The following FRY variants were observed in gnomAD, a reference collection of about 807,000 sequenced individuals.
FRY encodes the protein protein furry homolog.
In FRY, 128 loss-of-function variants were observed where a neutral mutation model predicts 348.4. The ratio of observed to expected loss-of-function variants is 0.37; its 90% CI spans 0.32 to 0.43. The LOEUF (loss-of-function observed/expected upper bound fraction) is 0.43, where lower values mean the gene tolerates loss of function less well. Ranked by LOEUF, FRY falls within the 20% of genes least tolerant of loss-of-function variation. The pLI is 1.00. For synonymous variants in FRY, 1,370 were observed against 1,374.7 expected (o/e 1.00, Z 0.08); for missense variants, 2,736 against 3,695.2 (o/e 0.74, Z 6.73).
chr13:32,081,524 C>A (rs948811618), intron 2 of FRY, among the ~76,000 whole-genome samples: 5 of 152,128 alleles, frequency 3.3e-5, no homozygotes, highest in African/African-American at 1.2e-4. Flanking sequence ...GGAGTTTCAC[C>A]ATGTTGGCCA....
intron 21 of FRY, 110 bp from the exon 22 acceptor site, chr13:32,178,734 A>G (rs1566113719): frequency 1.3e-6 from 1 of 797,510 alleles, no homozygotes; most frequent in Non-Finnish European, 2.2e-6. Context: ...AACATTCTTA[A>G]TCGACAGTTG....
At chr13:32,247,808 T>G (rs1314809403) in intron 48 of FRY, among the ~76,000 whole-genome samples, 1 of 152,240 alleles carries the variant, frequency 6.6e-6, no homozygotes, top group Non-Finnish European at 1.5e-5. Context: ...ATTCTTTATC[T>G]GACAATGGTC....
intron 31 of FRY, among the ~76,000 whole-genome samples, chr13:32,206,211 A>G (rs190029935): frequency 6.6e-6 from 1 of 152,268 alleles, no homozygotes; most frequent in East Asian, 1.9e-4. Context: ...ACAGAGTGGA[A>G]GAAAGGGCCT....
At chr13:32,068,911 C>CTTTTTTT (rs142807722) in intron 1 of FRY, among the ~76,000 whole-genome samples, 2 of 82,878 alleles carry the variant, frequency 2.4e-5, no homozygotes, top group African/African-American at 4.7e-5. Flanking sequence ...ATGTTCAATT[C>CTTTTTTT]TTTTTTTTTT....
intron 3 of FRY, among the ~76,000 whole-genome samples, chr13:32,111,586 C>T (rs1877966853): frequency 6.6e-6 from 1 of 152,092 alleles, no homozygotes; most frequent in South Asian, 2.1e-4. Flanking sequence ...GAGAATCTGT[C>T]AGGAAGAAGG....
chr13:32,091,567 T>C (rs370287475), intron 2 of FRY, among the ~76,000 whole-genome samples: 72 of 152,330 alleles, frequency 4.7e-4, no homozygotes, highest in African/African-American at 1.4e-3. Flanking sequence ...TGGGTGTAGA[T>C]AGTTCTGAAC....
rs1333081456 is a variant in FRY, at chr13:32,273,274, T to A, written c.8137-1568T>A. ...AGTCTCGCTGTCGCCCAGGCTGGAG[T>A]GCAGTGGCGCAATCTCGGCTCACTG... is the stretch of plus-strand genomic sequence containing the variant. On this transcript the variant is annotated intron_variant, in intron 55 of 60. Transcript: ENST00000542859. Among the ~76,000 whole-genome samples, 5 of 146,878 alleles carry A rather than the reference T, an allele frequency of 3.4e-5. No individual in the cohort carries two copies. The South Asian group carries it at 1.1e-3, about 31-fold the overall frequency.
intron 51 of FRY, chr13:32,257,897 A>C: frequency 1.5e-6 from 2 of 1,336,204 alleles, no homozygotes; most frequent in Non-Finnish European, 2.2e-6. Flanking sequence ...GTTCTTGAGT[A>C]TCTTTAATAT....
At chr13:32,184,498 T>C in intron 24 of FRY, 102 bp from the exon 25 acceptor site, 1 of 743,694 alleles carries the variant, frequency 1.3e-6, no homozygotes, top group Non-Finnish European at 2.4e-6. Flanking sequence ...GCTTAGAAAA[T>C]TGAAAATGAC....
At chr13:32,116,060 A>C (rs1037464559) in intron 3 of FRY, among the ~76,000 whole-genome samples, 2 of 152,150 alleles carry the variant, frequency 1.3e-5, no homozygotes, top group African/African-American at 4.8e-5. Context: ...AAGCATTTAC[A>C]TGTAGTTGGA....
intron 2 of FRY, among the ~76,000 whole-genome samples, chr13:32,094,932 T>C (rs1876586430): frequency 6.6e-6 from 1 of 152,202 alleles, no homozygotes; most frequent in South Asian, 2.1e-4. Flanking sequence ...CGAACTGTTC[T>C]CCATAGTGGT....
chr13:32,209,523 C>A lies in FRY; in HGVS notation c.4276-62C>A, dbSNP rs562969036. 117 of 1,551,260 alleles carry A rather than the reference C, an allele frequency of 7.5e-5. 2 individuals carry two copies. The East Asian group carries it at 2.5e-3, about 34-fold the overall frequency. ...CATGACCCTCAAAACTACTTTCAGT[C>A]AAACCTTTTGCGTCCTTACAGTTTT... On this transcript the variant is annotated intron_variant, in intron 32 of 60. Transcript: ENST00000542859.
At chr13:32,078,550 A>C (rs918421178) in intron 1 of FRY, among the ~76,000 whole-genome samples, 6 of 152,206 alleles carry the variant, frequency 3.9e-5, no homozygotes, top group Admixed American at 2.0e-4. Context: ...AAAACATCTT[A>C]AGTATTGTAA....
rs1223879287 is a variant in FRY, at chr13:32,237,772, C to G, written c.6204C>G (p.Ser2068Arg). ...FEYLMALRLL[S>R]RLLAHMPLDK... ...ACTTAATGGCCTTAAGGCTGTTGAG[C>G]AGACTACTGGCACATATGCCACTCG... The change falls in exon 44 of 61, where the codon AGC (serine) becomes AGG (arginine). Residue 2068 changes from serine (S) to arginine (R), a missense_variant. Coordinates refer to ENST00000542859, the MANE Select transcript of FRY (RefSeq NM_023037.3). This position sits in a 1 kb window ranked among gnomAD's most constrained non-coding sequence, Gnocchi z 6.3. 2 of 1,614,116 alleles carry G rather than the reference C, an allele frequency of 1.2e-6. No individual in the cohort carries two copies. Among genetic ancestry groups the G allele is most frequent in the Admixed American group, 1.7e-5 (1 of 60,014 alleles).
chr13:32,143,970 A>G (rs1474342794), intron 11 of FRY, among the ~76,000 whole-genome samples: 3 of 152,202 alleles, frequency 2.0e-5, no homozygotes, highest in Non-Finnish European at 4.4e-5. Flanking sequence ...CAGCTAATAA[A>G]TTATAAGGCA....
At position 32,287,127 on chromosome 13, in the gene FRY, TG is replaced by T. The variant is rs775310704; in HGVS notation, c.8470-2505del. ...TTGCAATGAGCCAAAATCGTGCCAC[TG>T]TACTCCAGCCTGGGCGACAGAGTGA... On this transcript the variant is annotated intron_variant, in intron 58 of 60. Coordinates refer to ENST00000542859, the MANE Select transcript of FRY (RefSeq NM_023037.3). Among the ~76,000 whole-genome samples, 705 of 150,840 alleles carry T rather than the reference TG, an allele frequency of 4.7e-3. 4 individuals are homozygous for T. Among genetic ancestry groups the T allele is most frequent in the Non-Finnish European group, 7.6e-3 (516 of 67,836 alleles).
At chr13:32,193,847 C>A (rs917741432) in intron 28 of FRY, among the ~76,000 whole-genome samples, 1 of 151,936 alleles carries the variant, frequency 6.6e-6, no homozygotes, top group South Asian at 2.1e-4. Context: ...CTCAGCCTCC[C>A]AAAGTGCTGG....
At chr13:32,044,284 A>G (rs540767869) in intron 1 of FRY, among the ~76,000 whole-genome samples, 2 of 152,284 alleles carry the variant, frequency 1.3e-5, no homozygotes, top group East Asian at 3.9e-4. Context: ...TTTATATTTT[A>G]ATCTTATTGT....
chr13:32,178,904 G>A lies in FRY; in HGVS notation c.2742G>A (p.Leu914=). ...TAGSGDNYVT[L]WRNYLILCFG... ...GCAGCGGAGACAACTATGTTACTTT[G>A]TGGAGAAATTACCTAATTCTTTGTT... is the stretch of plus-strand genomic sequence containing the variant. The change falls in exon 22 of 61, where the codon TTG becomes TTA. Residue 914 remains leucine, a synonymous_variant. Coordinates refer to ENST00000542859, the MANE Select transcript of FRY (RefSeq NM_023037.3). 6.2e-7 allele frequency: 1 copy of A among 1,613,706 alleles called. No individual in the cohort carries two copies. The highest frequency in any genetic ancestry group is 1.6e-4 in the Middle Eastern group (1 of 6,062).
Sources: allele counts gnomAD v4.1 joint callset (sites outside exome capture counted in the v4.1 genomes callset), GRCh38; gene constraint gnomAD v4.1.1; non-coding constraint Gnocchi (gnomAD v3.1); transcripts MANE v1.5; gene names NCBI Gene and HGNC (gene_info 2026-07-23, HGNC 2026-07-21).